TYW1B: variants seen among roughly 807,000 people sequenced by gnomAD.
The protein encoded by TYW1B is S-adenosyl-L-methionine-dependent tRNA 4-demethylwyosine synthase TYW1B.
A neutral mutation model predicts 86.9 loss-of-function variants in TYW1B; 73 were observed. That is an observed-to-expected ratio of 0.84 (90% CI 0.70 to 1.02). The LOEUF (loss-of-function observed/expected upper bound fraction) is 1.02, where lower values mean the gene tolerates loss of function less well. TYW1B is among the 50% of genes least tolerant of loss of function. The probability of loss-of-function intolerance (pLI) is 0.00; values close to 1 mark genes in which losing one functional copy is unlikely to be tolerated. For synonymous variants in TYW1B, 248 were observed against 292.8 expected (o/e 0.85, Z 1.56); for missense variants, 637 against 827.4 (o/e 0.77, Z 2.82).
intron 13 of TYW1B, among the ~76,000 whole-genome samples, chr7:72,593,270 G>GCAA (rs1268178083): frequency 2.0e-5 from 3 of 148,316 alleles, no homozygotes; most frequent in South Asian, 4.3e-4. Flanking sequence ...TCCAGCCTGG[G>GCAA]CAACAAGAGC....
chr7:72,814,232 G>A (rs1788678550), intron 3 of TYW1B, among the ~76,000 whole-genome samples: 1 of 151,938 alleles, frequency 6.6e-6, no homozygotes, highest in African/African-American at 2.4e-5. Context: ...AGTACTTTGG[G>A]AGACTGAGGC....
intron 12 of TYW1B, among the ~76,000 whole-genome samples, chr7:72,619,398 T>C (rs1200495063): frequency 6.6e-6 from 1 of 151,960 alleles, no homozygotes; most frequent in Non-Finnish European, 1.5e-5. Flanking sequence ...TCCCAGCACT[T>C]TGGGAGGCCG....
In TYW1B at chr7:72,617,714, G is replaced by A. The variant is rs371845687; in HGVS notation, c.1618-875C>T. On this transcript the variant is annotated intron_variant, in intron 12 of 13. Coordinates refer to ENST00000620995, the MANE Select transcript of TYW1B (RefSeq NM_001145440.3). ...CATTTTGTAATGCACTTTGAATGTG[G>A]TTACATAAACAATCATGCCAAAAGG... Among the ~76,000 whole-genome samples the A allele has an allele frequency of 6.8e-3, 1,037 of 152,206 alleles. 6 individuals are homozygous for A. The highest frequency in any genetic ancestry group is 0.024 in the African/African-American group (1,012 of 41,528).
At position 72,631,690 on chromosome 7, in the gene TYW1B, G is replaced by C. The variant is rs548614219; in HGVS notation, c.1507-2693C>G. 2.0e-5 allele frequency among the ~76,000 whole-genome samples: 3 copies of C among 152,040 alleles called. No individual in the cohort carries two copies. In the East Asian group the frequency reaches 5.8e-4, roughly 29 times the overall value. On this transcript the variant is annotated intron_variant, in intron 11 of 13. Coordinates refer to ENST00000620995, the MANE Select transcript of TYW1B (RefSeq NM_001145440.3). ...TTGTAAATAATATGACTGGTTTCTT[G>C]GAAACCTAAGAGAATCAACTAAAAA...
intron 9 of TYW1B, among the ~76,000 whole-genome samples, chr7:72,723,387 A>G (rs1465747458): frequency 6.6e-6 from 1 of 152,174 alleles, no homozygotes; most frequent in Non-Finnish European, 1.5e-5. Flanking sequence ...GAAATTGACT[A>G]TAATTGCCAT....
At chr7:72,652,203 C>T (rs1181543541) in intron 11 of TYW1B, among the ~76,000 whole-genome samples, 1 of 151,652 alleles carries the variant, frequency 6.6e-6, no homozygotes, top group Non-Finnish European at 1.5e-5. Context: ...AGTGAAACCC[C>T]GCCTCTACTA....
intron 13 of TYW1B, among the ~76,000 whole-genome samples, chr7:72,595,476 G>GA (rs1370217214): frequency 2.6e-5 from 4 of 152,150 alleles, no homozygotes; most frequent in African/African-American, 7.2e-5. Flanking sequence ...TTGAGCTCAG[G>GA]AGTTTGAGGC....
In TYW1B at chr7:72,694,838, T is replaced by C. The variant is rs1187526958; in HGVS notation, c.1371-16A>G. 2 of 1,580,152 alleles carry C rather than the reference T, an allele frequency of 1.3e-6. No individual in the cohort carries two copies. On this transcript the variant is annotated splice_polypyrimidine_tract_variant and intron_variant, in intron 10 of 13. Transcript: ENST00000620995. ...CTCGAGGTTCCTTAGTAATTTTTTT[T>C]TTTAAAGGAAGAAAGAAAAATTATT...
At chr7:72,732,175 AC>A (rs1324406749) in intron 8 of TYW1B, among the ~76,000 whole-genome samples, 2 of 152,200 alleles carry the variant, frequency 1.3e-5, no homozygotes, top group Non-Finnish European at 2.9e-5. Flanking sequence ...AGACTCTACT[AC>A]CATAATAGTC....
chr7:72,730,682 G>A (rs1787087193), intron 8 of TYW1B, among the ~76,000 whole-genome samples: 2 of 151,432 alleles, frequency 1.3e-5, no homozygotes, highest in African/African-American at 4.9e-5. Context: ...ATAGAGGAGA[G>A]AGGAGGAGGA....
intron 5 of TYW1B, among the ~76,000 whole-genome samples, chr7:72,806,188 C>T (rs1788490793): frequency 6.6e-6 from 1 of 151,138 alleles, no homozygotes; most frequent in South Asian, 2.1e-4. Context: ...ATCTACTTGA[C>T]TCTAACAATG....
intron 7 of TYW1B, among the ~76,000 whole-genome samples, chr7:72,763,829 T>A (rs1787728160): frequency 6.6e-6 from 1 of 152,198 alleles, no homozygotes; most frequent in South Asian, 2.1e-4. Flanking sequence ...GTATGTCACA[T>A]CTTACAGAGA....
At chr7:72,728,781 T>C in intron 9 of TYW1B, 41 bp downstream of exon 9, 1 of 1,574,974 alleles carries the variant, frequency 6.3e-7, no homozygotes, top group South Asian at 1.2e-5. Context: ...TTCAGACTAT[T>C]AACAAGTATT....
At chr7:72,619,723 A>C (rs1379019040) in intron 12 of TYW1B, among the ~76,000 whole-genome samples, 1 of 152,152 alleles carries the variant, frequency 6.6e-6, no homozygotes, top group East Asian at 1.9e-4. Flanking sequence ...TGCATAAAAA[A>C]CATGAAAATT....
At chr7:72,656,597 G>A (rs1394582234) in intron 11 of TYW1B, among the ~76,000 whole-genome samples, 1 of 151,742 alleles carries the variant, frequency 6.6e-6, no homozygotes, top group Non-Finnish European at 1.5e-5. Context: ...CTGGGTGACA[G>A]AGCAACTCTG....
At position 72,638,367 on chromosome 7, in the gene TYW1B, T is replaced by C. The variant is rs143756638; in HGVS notation, c.1507-9370A>G. Among the ~76,000 whole-genome samples the C allele has an allele frequency of 6.5e-3, 997 of 152,304 alleles. 7 individuals are homozygous for C. The highest frequency in any genetic ancestry group is 0.021 in the African/African-American group (855 of 41,570). ...CCTGTAGGTAAGGCTGATTCAACAT[T>C]TGAAAATCAGTTAATGTAATCCATC... On this transcript the variant is annotated intron_variant, in intron 11 of 13. Coordinates refer to ENST00000620995, the MANE Select transcript of TYW1B (RefSeq NM_001145440.3).
intron 9 of TYW1B, among the ~76,000 whole-genome samples, chr7:72,717,899 T>A (rs1165834812): frequency 6.6e-6 from 1 of 152,120 alleles, no homozygotes; most frequent in Non-Finnish European, 1.5e-5. Flanking sequence ...TAGTTCAACC[T>A]CTATAGAGAG....
intron 11 of TYW1B, among the ~76,000 whole-genome samples, chr7:72,657,667 G>A (rs530749115): frequency 3.9e-5 from 6 of 152,174 alleles, no homozygotes; most frequent in Non-Finnish European, 7.3e-5. Context: ...TAGAACAGGA[G>A]AGAATGGGAT....
chr7:72,599,621 T>C (rs1439160967), intron 13 of TYW1B, among the ~76,000 whole-genome samples: 1 of 152,044 alleles, frequency 6.6e-6, no homozygotes, highest in East Asian at 1.9e-4. Flanking sequence ...TGATTATACA[T>C]GTAGAAGATC....
Sources: gnomAD v4.1 joint callset for allele counts (sites outside exome capture counted in the v4.1 genomes callset) on GRCh38, gnomAD v4.1.1 for gene constraint, MANE v1.5 for transcripts, NCBI Gene and HGNC (gene_info 2026-07-23, HGNC 2026-07-21) for gene names.